B3GALT1: variants seen among roughly 807,000 people sequenced by gnomAD.
B3GALT1 encodes beta-1,3-galactosyltransferase 1, also known as UDP-Gal:betaGlcNAc beta 1,3-galactosyltransferase, polypeptide 1.
Under a neutral mutation model 23.2 loss-of-function variants are expected in B3GALT1, and 10 were observed. The observed-to-expected ratio is 0.43, with a 90% CI of 0.27 to 0.73. B3GALT1 has a LOEUF of 0.73. Among genes scored for constraint, B3GALT1 ranks in the 30% least tolerant of loss-of-function variants. The pLI is 0.21. For missense variants in B3GALT1, 299 were observed against 405.4 expected (o/e 0.74, Z 2.25); for synonymous variants, 156 against 141.5 (o/e 1.10, Z -0.73).
chr2:167,784,822 G>A (rs1203635868), intron 3 of B3GALT1, among the ~76,000 whole-genome samples: 4 of 152,184 alleles, frequency 2.6e-5, no homozygotes, highest in African/African-American at 9.7e-5. Context: ...GCTTAACAAT[G>A]ATAAGAATAG....
At chr2:167,704,494 G>GCA (rs887385609) in intron 3 of B3GALT1, among the ~76,000 whole-genome samples, 2 of 151,258 alleles carry the variant, frequency 1.3e-5, no homozygotes, top group African/African-American at 2.4e-5. Context: ...ATCATACCAT[G>GCA]CACACACACA....
chr2:167,660,561 G>C (rs1686042503), intron 3 of B3GALT1, among the ~76,000 whole-genome samples: 1 of 152,036 alleles, frequency 6.6e-6, no homozygotes, highest in Admixed American at 6.6e-5. Context: ...ACTATTTCTA[G>C]AATAACTCAT....
intron 1 of B3GALT1, among the ~76,000 whole-genome samples, chr2:167,352,118 C>G (rs565476035): frequency 2.7e-5 from 4 of 150,774 alleles, no homozygotes; most frequent in African/African-American, 9.9e-5. Flanking sequence ...CACCACCATA[C>G]CCGGCTAATT....
chr2:167,370,244 G>A (rs965590601), intron 1 of B3GALT1, among the ~76,000 whole-genome samples: 2 of 152,106 alleles, frequency 1.3e-5, no homozygotes, highest in Admixed American at 6.6e-5. Flanking sequence ...CTCTTAAAAA[G>A]CCAACATTGT....
intron 2 of B3GALT1, among the ~76,000 whole-genome samples, chr2:167,511,362 G>A (rs1236540426): frequency 1.3e-5 from 2 of 152,088 alleles, no homozygotes; most frequent in Non-Finnish European, 2.9e-5. Flanking sequence ...TTGGTTCTCA[G>A]GAGATCTGAT....
At chr2:167,696,560 G>A (rs774112861) in intron 3 of B3GALT1, among the ~76,000 whole-genome samples, 1 of 152,074 alleles carries the variant, frequency 6.6e-6, no homozygotes, top group Admixed American at 6.6e-5. Flanking sequence ...TTCCTATGTA[G>A]TGTTACTCTC....
At chr2:167,608,803 T>C (rs1003028623) in intron 2 of B3GALT1, among the ~76,000 whole-genome samples, 18 of 152,142 alleles carry the variant, frequency 1.2e-4, no homozygotes, top group African/African-American at 4.3e-4. Flanking sequence ...CCAATTGTTT[T>C]TGGTTTTAAA....
chr2:167,840,344 C>A (rs1275708160), intron 4 of B3GALT1, among the ~76,000 whole-genome samples: 1 of 151,422 alleles, frequency 6.6e-6, no homozygotes, highest in Non-Finnish European at 1.5e-5. Flanking sequence ...AAAAAAACAA[C>A]CCCATCAAAA....
chr2:167,798,397 C>T (rs984850990), intron 3 of B3GALT1, among the ~76,000 whole-genome samples: 2 of 152,106 alleles, frequency 1.3e-5, no homozygotes, highest in Admixed American at 6.5e-5. Context: ...AGGCTTTCTT[C>T]TAGGGTTTTT....
intron 2 of B3GALT1, among the ~76,000 whole-genome samples, chr2:167,558,624 G>C (rs189553698): frequency 5.3e-5 from 8 of 152,194 alleles, no homozygotes; most frequent in African/African-American, 1.9e-4. Context: ...CTTTTCCGAC[G>C]GGCTTAGGAA....
chr2:167,718,958 G>C (rs1687191831), intron 3 of B3GALT1, among the ~76,000 whole-genome samples: 1 of 152,210 alleles, frequency 6.6e-6, no homozygotes, highest in African/African-American at 2.4e-5. Flanking sequence ...CTGGAATGCT[G>C]TTAATAGGTA....
chr2:167,514,945 AACT>A (rs1322046081), intron 2 of B3GALT1, among the ~76,000 whole-genome samples: 26 of 152,242 alleles, frequency 1.7e-4, no homozygotes, highest in African/African-American at 5.8e-4. Context: ...AATAAATATA[AACT>A]ACTATAATTT....
At chr2:167,840,270 C>A (rs1471253278) in intron 4 of B3GALT1, among the ~76,000 whole-genome samples, 5 of 151,588 alleles carry the variant, frequency 3.3e-5, no homozygotes, top group East Asian at 1.9e-4. Flanking sequence ...AAATTTTTGC[C>A]ACCTACTCAT....
At chr2:167,433,678 A>G (rs764852875) in intron 1 of B3GALT1, among the ~76,000 whole-genome samples, 3 of 152,244 alleles carry the variant, frequency 2.0e-5, no homozygotes, top group Non-Finnish European at 4.4e-5. Context: ...TGCAGATAAT[A>G]GCATTTAACT....
At chr2:167,586,837 C>T (rs560326666) in intron 2 of B3GALT1, among the ~76,000 whole-genome samples, 29 of 152,096 alleles carry the variant, frequency 1.9e-4, no homozygotes, top group Admixed American at 3.3e-4. Flanking sequence ...CAAGGGCGTG[C>T]CTATTCAAAA....
chr2:167,384,590 C>A (rs1697898119), intron 1 of B3GALT1, among the ~76,000 whole-genome samples: 1 of 152,120 alleles, frequency 6.6e-6, no homozygotes, highest in Admixed American at 6.5e-5. Context: ...CTCTCCTCTC[C>A]CTTCCCTCAT....
chr2:167,759,846 G>A (rs902973121), intron 3 of B3GALT1, among the ~76,000 whole-genome samples: 1 of 152,146 alleles, frequency 6.6e-6, no homozygotes, highest in Non-Finnish European at 1.5e-5. Context: ...TGTTATAATA[G>A]GAGAGCTCAG....
At chr2:167,550,248 A>G (rs146151117) in intron 2 of B3GALT1, among the ~76,000 whole-genome samples, 57 of 152,360 alleles carry the variant, frequency 3.7e-4, no homozygotes, top group African/African-American at 1.2e-3. Flanking sequence ...TCAAAAAATA[A>G]TTAAGTACAC....
intron 3 of B3GALT1, among the ~76,000 whole-genome samples, chr2:167,818,064 T>G (rs921568324): frequency 3.3e-5 from 5 of 152,114 alleles, no homozygotes; most frequent in Non-Finnish European, 4.4e-5. Context: ...ACTTGGAAAG[T>G]TAAGATGTTG....
Sources: gnomAD v4.1 joint callset for allele counts (sites outside exome capture counted in the v4.1 genomes callset) on GRCh38, gnomAD v4.1.1 for gene constraint, MANE v1.5 for transcripts, NCBI Gene and HGNC (gene_info 2026-07-23, HGNC 2026-07-21) for gene names.